Variants in ZEB1 observed in about 807,000 individuals in gnomAD.
ZEB1 encodes the protein zinc finger E-box-binding homeobox 1.
A neutral mutation model predicts 84.9 loss-of-function variants in ZEB1; 21 were observed. That is an observed-to-expected ratio of 0.25 (90% CI 0.18 to 0.36). ZEB1 has a LOEUF of 0.36. Ranked by LOEUF, ZEB1 falls within the 10% of genes least tolerant of loss-of-function variation. The pLI, the probability that ZEB1 is intolerant of heterozygous loss-of-function variation, is 1.00. For synonymous variants in ZEB1, 420 were observed against 471.1 expected, an observed-to-expected ratio of 0.89 and a Z score of 1.41; for missense variants, 1,104 against 1,330.2, an observed-to-expected ratio of 0.83 and a Z score of 2.65.
chr10:31,321,400 T>G (rs2034007365), intron 1 of ZEB1: 2 of 1,600,582 alleles, frequency 1.2e-6, no homozygotes, highest in African/African-American at 1.3e-5. Flanking sequence ...GGTATTCTCA[T>G]TGTGGAGAGA....
At chr10:31,473,741 T>A (rs1016088933) in intron 2 of ZEB1, among the ~76,000 whole-genome samples, 3 of 149,906 alleles carry the variant, frequency 2.0e-5, no homozygotes, top group Non-Finnish European at 4.4e-5. Context: ...AAAAAGAGCC[T>A]GCATCGCCAA....
chr10:31,340,553 T>C (rs1027917654), intron 1 of ZEB1, among the ~76,000 whole-genome samples: 1 of 150,968 alleles, frequency 6.6e-6, no homozygotes, highest in Non-Finnish European at 1.5e-5. Flanking sequence ...GGTATGAGAC[T>C]GAATAGTGTG....
chr10:31,405,722 A>T (rs1378592227), intron 1 of ZEB1, among the ~76,000 whole-genome samples: 57 of 150,236 alleles, frequency 3.8e-4, no homozygotes, highest in African/African-American at 1.4e-3. Context: ...TTTTTTTTTA[A>T]AATTTAAGTT....
At chr10:31,394,220 T>G (rs1354169500) in intron 1 of ZEB1, among the ~76,000 whole-genome samples, 1 of 152,174 alleles carries the variant, frequency 6.6e-6, no homozygotes, top group African/African-American at 2.4e-5. Flanking sequence ...ACAGCAGATG[T>G]AAGAGTCATA....
At chr10:31,328,967 C>G (rs2036174299) in intron 1 of ZEB1, among the ~76,000 whole-genome samples, 1 of 151,858 alleles carries the variant, frequency 6.6e-6, no homozygotes, top group African/African-American at 2.4e-5. Flanking sequence ...CAGGACTATT[C>G]TAAGCCAAAA....
intron 2 of ZEB1, among the ~76,000 whole-genome samples, chr10:31,488,455 C>T (rs549061816): frequency 6.6e-6 from 1 of 150,640 alleles, no homozygotes; most frequent in East Asian, 1.9e-4. Context: ...TTTTTGCTTA[C>T]CGATCCTACT....
At chr10:31,392,962 G>A (rs2050033648) in intron 1 of ZEB1, among the ~76,000 whole-genome samples, 1 of 152,068 alleles carries the variant, frequency 6.6e-6, no homozygotes, top group East Asian at 1.9e-4. Context: ...AGCCTCCTGA[G>A]TAGCTGGAAC....
intron 2 of ZEB1, 111 bp from the exon 3 acceptor site, chr10:31,495,665 A>C: frequency 9.6e-7 from 1 of 1,043,854 alleles, no homozygotes; most frequent in Non-Finnish European, 1.5e-6. Flanking sequence ...ACATGTATAC[A>C]ATGTGTAATG....
intron 1 of ZEB1, among the ~76,000 whole-genome samples, chr10:31,434,692 A>G (rs2058091658): frequency 6.6e-6 from 1 of 152,204 alleles, no homozygotes. Flanking sequence ...TTGACCAAAG[A>G]CCTAATGATA....
intron 1 of ZEB1, among the ~76,000 whole-genome samples, chr10:31,337,764 C>CT (rs919049399): frequency 6.9e-5 from 10 of 145,270 alleles, no homozygotes; most frequent in Non-Finnish European, 1.0e-4. Flanking sequence ...CGGCTCACTG[C>CT]TGCCTCCGTC....
At position 31,520,541 on chromosome 10, in the gene ZEB1, G is replaced by A; in HGVS notation, c.1209G>A (p.Val403=). The part of the protein sequence containing the change: ...QAVVLPTVGL[V]SPISINLSDI... ...TTGTTCTGCCAACAGTTGGTTTGGTGTCTCCCATAAGTATCAATTTAAGTG... is the reference window on the plus strand; with the variant it reads ...TTGTTCTGCCAACAGTTGGTTTGGTATCTCCCATAAGTATCAATTTAAGTG... Residue 403 remains valine (V), a synonymous_variant, in exon 7 of 9, where the codon GTG becomes GTA. Coordinates refer to ENST00000424869, the MANE Select transcript of ZEB1 (RefSeq NM_001174096.2). The surrounding 1 kb of genome is among the most constrained non-coding windows in gnomAD (Gnocchi z 5.1). 1 of 1,613,740 alleles carries A rather than the reference G, an allele frequency of 6.2e-7. No homozygotes were observed. The highest frequency in any genetic ancestry group is 8.5e-7 in the Non-Finnish European group (1 of 1,179,730).
Position 31,470,216 on chromosome 10 carries a change from C to T in ZEB1, c.259+8979C>T, listed in dbSNP as rs1358552895. Among the ~76,000 whole-genome samples, 704 of 151,954 alleles carry T rather than the reference C, an allele frequency of 4.6e-3. 10 individuals carry two copies. Among genetic ancestry groups the T allele is most frequent in the African/African-American group, 0.016 (666 of 41,248 alleles). On this transcript the variant is annotated intron_variant, in intron 2 of 8. Transcript: ENST00000424869. ...CAATGGAACAAAGCTGGACGGAGAACGACTTTGACGAGCTGAGAGAAGAAG... is the reference window on the plus strand; with the variant it reads ...CAATGGAACAAAGCTGGACGGAGAATGACTTTGACGAGCTGAGAGAAGAAG...
intron 1 of ZEB1, among the ~76,000 whole-genome samples, chr10:31,398,454 T>G (rs2051242220): frequency 6.6e-6 from 1 of 152,056 alleles, no homozygotes; most frequent in South Asian, 2.1e-4. Flanking sequence ...GCCTTCTCTC[T>G]CTGCATCATT....
intron 1 of ZEB1, among the ~76,000 whole-genome samples, chr10:31,450,867 A>T (rs1232219881): frequency 7.3e-6 from 1 of 137,308 alleles, no homozygotes; most frequent in East Asian, 1.9e-4. Flanking sequence ...TTTATTTAGG[A>T]CTGAGCGTGT....
chr10:31,490,226 T>G (rs968761458), intron 2 of ZEB1, among the ~76,000 whole-genome samples: 6 of 151,718 alleles, frequency 4.0e-5, no homozygotes, highest in African/African-American at 1.4e-4. Context: ...ATCTGTTGGT[T>G]TATGTCTTTC....
intron 2 of ZEB1, among the ~76,000 whole-genome samples, chr10:31,478,815 A>G (rs1317976006): frequency 6.6e-6 from 1 of 151,920 alleles, no homozygotes; most frequent in Non-Finnish European, 1.5e-5. Flanking sequence ...GTGGTTACAT[A>G]TAGATGCAAA....
chr10:31,374,597 G>C (rs1355198116), intron 1 of ZEB1, among the ~76,000 whole-genome samples: 2 of 151,690 alleles, frequency 1.3e-5, no homozygotes, highest in East Asian at 3.8e-4. Flanking sequence ...CTATAAAATG[G>C]CATAAGTTCC....
chr10:31,510,415 T>C (rs2069768838), intron 4 of ZEB1, among the ~76,000 whole-genome samples: 2 of 152,204 alleles, frequency 1.3e-5, no homozygotes, highest in Non-Finnish European at 2.9e-5. Flanking sequence ...GAATGGGACT[T>C]GAAGGTCAGA....
intron 1 of ZEB1, among the ~76,000 whole-genome samples, chr10:31,346,669 TAA>T (rs1048841348): frequency 3.3e-5 from 5 of 152,118 alleles, no homozygotes; most frequent in Non-Finnish European, 7.4e-5. Context: ...AAATATCATC[TAA>T]AATAGAAAAA....
Sources: gnomAD v4.1 joint callset for allele counts (sites outside exome capture counted in the v4.1 genomes callset) on GRCh38, gnomAD v4.1.1 for gene constraint, Gnocchi (gnomAD v3.1) non-coding constraint, MANE v1.5 for transcripts, NCBI Gene and HGNC (gene_info 2026-07-23, HGNC 2026-07-21) for gene names.